The following ZNF257 variants were observed in gnomAD, a reference collection of about 807,000 sequenced individuals.
ZNF257 encodes zinc finger protein 257.
In ZNF257, 12 loss-of-function variants were observed where a neutral mutation model predicts 11.9. The observed-to-expected ratio is 1.01, with a 90% CI of 0.65 to 1.63. The LOEUF (loss-of-function observed/expected upper bound fraction) is 1.63. Among genes scored for constraint, ZNF257 ranks in the 40% most tolerant of loss-of-function variants. The pLI is 0.00. For synonymous variants in ZNF257, 183 were observed against 222.7 expected (o/e 0.82, Z 1.59); for missense variants, 580 against 665.5 (o/e 0.87, Z 1.41).
chr19:22,075,190 C>T (rs2022198618), intron 3 of ZNF257, among the ~76,000 whole-genome samples: 1 of 152,086 alleles, frequency 6.6e-6, no homozygotes, highest in Non-Finnish European at 1.5e-5. Flanking sequence ...AGTTGTAATT[C>T]CCATATTATT....
At position 22,088,580 on chromosome 19, in the gene ZNF257, G is replaced by A. The variant is rs1424132573; in HGVS notation, c.830G>A (p.Arg277Lys). 21 of 1,607,650 alleles carry A rather than the reference G, an allele frequency of 1.3e-5. No individual in the cohort carries two copies. Among genetic ancestry groups the A allele is most frequent in the Non-Finnish European group, 1.8e-5 (21 of 1,178,112 alleles). ...TCTTCACACATTACTCAACATAAGA[G>A]AATTCATAATAGAGAGAAGCCCTTC... ...NRSSHITQHK[R>K]IHNREKPFKY... The change falls in exon 4 of 4, where the codon AGA becomes AAA. Residue 277 changes from arginine to lysine, a missense_variant. Transcript: ENST00000594947.
intron 1 of ZNF257, among the ~76,000 whole-genome samples, chr19:22,067,242 C>T (rs1260756004): frequency 6.6e-6 from 1 of 152,160 alleles, no homozygotes; most frequent in Non-Finnish European, 1.5e-5. Context: ...TTACCTCTTT[C>T]GTTGACTCTT....
chr19:22,069,037 G>A (rs1291137446), intron 1 of ZNF257, among the ~76,000 whole-genome samples: 1 of 152,128 alleles, frequency 6.6e-6, no homozygotes, highest in Non-Finnish European at 1.5e-5. Context: ...CCTCATTCAA[G>A]AGGTGTCTTT....
At chr19:22,079,628 A>T (rs1341621851) in intron 3 of ZNF257, among the ~76,000 whole-genome samples, 3 of 152,152 alleles carry the variant, frequency 2.0e-5, no homozygotes, top group Non-Finnish European at 4.4e-5. Context: ...AGCACAGGAA[A>T]GACCCACTTT....
chr19:22,088,834 C>CTTGA lies in ZNF257; in HGVS notation c.1084_1085insTTGA (p.His362LeufsTer3), dbSNP rs2022550200. The stretch of plus-strand genomic sequence containing the variant: ...TAACCGGTCTTCACACCTTACTCAA[C>CTTGA]ATAAGATAATTCATACTAAAGAGAA... On this transcript the variant is annotated frameshift_variant, in exon 4 of 4. Transcript: ENST00000594947. LOFTEE classifies it low-confidence loss of function (END_TRUNC). The CTTGA allele has an allele frequency of 6.2e-7, 1 of 1,613,366 alleles. No homozygotes were observed. The highest frequency in any genetic ancestry group is 1.7e-5 in the Admixed American group (1 of 59,942).
intron 1 of ZNF257, among the ~76,000 whole-genome samples, chr19:22,059,888 AT>A (rs56838396): frequency 0.15 from 17,153 of 117,548 alleles, 3,272 homozygotes; most frequent in African/African-American, 0.44. Context: ...ACACCCACTA[AT>A]TTTTTTCTTT....
chr19:22,066,831 T>A (rs916146964), intron 1 of ZNF257, among the ~76,000 whole-genome samples: 4 of 152,216 alleles, frequency 2.6e-5, no homozygotes, highest in Non-Finnish European at 4.4e-5. Flanking sequence ...ATGGACTAAT[T>A]ATGATGAACA....
At chr19:22,073,331 T>C in intron 2 of ZNF257, 138 bp from the exon 3 acceptor site, 1 of 1,083,244 alleles carries the variant, frequency 9.2e-7, no homozygotes. Flanking sequence ...TCTAAATATT[T>C]AGAAATTTCT....
At chr19:22,056,384 G>A (rs1013755238) in intron 1 of ZNF257, among the ~76,000 whole-genome samples, 2 of 151,932 alleles carry the variant, frequency 1.3e-5, no homozygotes, top group African/African-American at 2.4e-5. Context: ...CAAGTAATCC[G>A]CCTGCCTCAG....
At chr19:22,079,252 C>T (rs1458471836) in intron 3 of ZNF257, among the ~76,000 whole-genome samples, 3 of 152,042 alleles carry the variant, frequency 2.0e-5, no homozygotes, top group African/African-American at 4.8e-5. Flanking sequence ...TGTTTCAGTA[C>T]CACATCGTTT....
chr19:22,078,708 G>A (rs2022288270), intron 3 of ZNF257, among the ~76,000 whole-genome samples: 1 of 151,486 alleles, frequency 6.6e-6, no homozygotes, highest in African/African-American at 2.4e-5. Flanking sequence ...TTTATGTCTG[G>A]GTATTTTATT....
At chr19:22,076,280 T>G (rs1052182358) in intron 3 of ZNF257, among the ~76,000 whole-genome samples, 4 of 149,674 alleles carry the variant, frequency 2.7e-5, no homozygotes, top group Admixed American at 6.7e-5. Flanking sequence ...TTAAATTATA[T>G]ATACAAAATA....
chr19:22,076,510 C>T (rs976241769), intron 3 of ZNF257, among the ~76,000 whole-genome samples: 1 of 152,096 alleles, frequency 6.6e-6, no homozygotes, highest in Admixed American at 6.5e-5. Context: ...TACTGCCACA[C>T]AGTGCCTGTC....
chr19:22,065,953 T>G (rs2021933915), intron 1 of ZNF257: 2 of 152,218 alleles, frequency 1.3e-5, no homozygotes, highest in South Asian at 4.1e-4. Context: ...ATGCACACTT[T>G]CTTTATAATG....
intron 1 of ZNF257, among the ~76,000 whole-genome samples, chr19:22,058,103 C>T (rs1474231993): frequency 6.7e-6 from 1 of 148,238 alleles, no homozygotes; most frequent in Admixed American, 6.8e-5. Flanking sequence ...AGAAAATGTG[C>T]AGAGTCTGTG....
intron 1 of ZNF257, among the ~76,000 whole-genome samples, chr19:22,058,853 G>T (rs1250378690): frequency 6.6e-6 from 1 of 151,948 alleles, no homozygotes; most frequent in East Asian, 1.9e-4. Flanking sequence ...CACTCCCAGG[G>T]CTAGACACCA....
chr19:22,054,104 A>C, intron 1 of ZNF257, among the ~76,000 whole-genome samples: 1 of 141,558 alleles, frequency 7.1e-6, no homozygotes, highest in African/African-American at 2.7e-5. Context: ...AAGGAGTTTC[A>C]CTCTGTCACC....
At chr19:22,083,667 A>G (rs1457118441) in intron 3 of ZNF257, among the ~76,000 whole-genome samples, 3 of 152,092 alleles carry the variant, frequency 2.0e-5, no homozygotes, top group African/African-American at 7.3e-5. Flanking sequence ...TTATACAACT[A>G]CCAATTTTTC....
intron 3 of ZNF257, among the ~76,000 whole-genome samples, chr19:22,080,767 A>G (rs2022338473): frequency 1.3e-5 from 2 of 151,824 alleles, no homozygotes; most frequent in Non-Finnish European, 2.9e-5. Context: ...TTCCTGCTTC[A>G]ATTTGTTGAT....
Sources: gnomAD v4.1 joint callset for allele counts (sites outside exome capture counted in the v4.1 genomes callset) on GRCh38, gnomAD v4.1.1 for gene constraint, MANE v1.5 for transcripts, NCBI Gene and HGNC (gene_info 2026-07-23, HGNC 2026-07-21) for gene names.